Variants in MAPKAP1 observed in about 807,000 individuals in gnomAD.
MAPKAP1 encodes target of rapamycin complex 2 subunit MAPKAP1.
A neutral mutation model predicts 65.7 loss-of-function variants in MAPKAP1; 20 were observed. The ratio of observed to expected loss-of-function variants is 0.30; its 90% CI spans 0.21 to 0.44. MAPKAP1 has a LOEUF of 0.44. Ranked by LOEUF, MAPKAP1 falls within the 20% of genes least tolerant of loss-of-function variation. The pLI, the probability that MAPKAP1 is intolerant of heterozygous loss-of-function variation, is 1.00. For missense variants in MAPKAP1, 423 were observed against 648.0 expected (o/e 0.65, Z 3.77); for synonymous variants, 222 against 244.3 (o/e 0.91, Z 0.85).
chr9:125,521,566 T>C lies in MAPKAP1; in HGVS notation c.959-15149A>G, dbSNP rs1056640619. 15 of 1,396,832 alleles carry C rather than the reference T, an allele frequency of 1.1e-5. No individual in the cohort carries two copies. The Admixed American group carries it at 1.7e-4, about 16-fold the overall frequency. The allele number at this position is 1,396,832 out of a possible 1,614,324, so 86.5% of individuals were successfully genotyped here. ...TCAAATAAATGCCAAAACTGGTTGA[T>C]GGGGATCCAGGGTGCTAAATCACAC... is the stretch of plus-strand genomic sequence containing the variant. On this transcript the variant is annotated intron_variant, in intron 7 of 11. Transcript: ENST00000265960.
intron 6 of MAPKAP1, among the ~76,000 whole-genome samples, chr9:125,545,457 C>T (rs1564550911): frequency 6.6e-6 from 1 of 152,066 alleles, no homozygotes; most frequent in Non-Finnish European, 1.5e-5. Context: ...ATATGTTGGG[C>T]GATGGATGAG....
chr9:125,468,487 T>C lies in MAPKAP1; in HGVS notation c.1208-378A>G, dbSNP rs565166841. ...GGTTTATTTAAAAAACAGTTTTGAT[T>C]GGTGCTCTGAGTTGTTGTTCTCATT... On this transcript the variant is annotated intron_variant, in intron 9 of 11. Transcript: ENST00000265960. 2.6e-5 allele frequency among the ~76,000 whole-genome samples: 4 copies of C among 152,390 alleles called. No individual in the cohort carries two copies. The East Asian group carries it at 7.7e-4, about 29-fold the overall frequency.
chr9:125,649,913 T>C (rs988825708), intron 4 of MAPKAP1, among the ~76,000 whole-genome samples: 1 of 152,112 alleles, frequency 6.6e-6, no homozygotes, highest in Non-Finnish European at 1.5e-5. Context: ...TCTGGAGAGA[T>C]ATCTTCAAGA....
chr9:125,564,159 C>T (rs1378919933), intron 5 of MAPKAP1, among the ~76,000 whole-genome samples: 1 of 152,172 alleles, frequency 6.6e-6, no homozygotes, highest in Non-Finnish European at 1.5e-5. Context: ...TAATTCAAGA[C>T]TAGAGGAGAA....
Position 125,486,884 on chromosome 9 carries a change from G to A in MAPKAP1, c.1067-2301C>T, listed in dbSNP as rs117191448. Among the ~76,000 whole-genome samples, 587 of 152,182 alleles carry A rather than the reference G, an allele frequency of 3.9e-3. 4 individuals are homozygous for A. The highest frequency in any genetic ancestry group is 6.2e-3 in the Non-Finnish European group (419 of 68,004). ...CACTCCAGGGAAGCCTTCCCTGGCC[G>A]CAAGCCCCCGGCACTAGTTTGGCTC... On this transcript the variant is annotated intron_variant, in intron 8 of 11. Transcript: ENST00000265960.
intron 4 of MAPKAP1, among the ~76,000 whole-genome samples, chr9:125,629,473 A>G (rs958077932): frequency 6.6e-6 from 1 of 152,262 alleles, no homozygotes; most frequent in Admixed American, 6.5e-5. Flanking sequence ...CCTTGAGGAC[A>G]TGATGCTAAG....
At chr9:125,692,040 AG>A (rs2131849605) in intron 1 of MAPKAP1, among the ~76,000 whole-genome samples, 1 of 152,336 alleles carries the variant, frequency 6.6e-6, no homozygotes, top group East Asian at 1.9e-4. Context: ...AGCAGAAAGG[AG>A]GCTGACCTTA....
At chr9:125,554,608 G>A (rs1589283506) in intron 6 of MAPKAP1, among the ~76,000 whole-genome samples, 1 of 152,042 alleles carries the variant, frequency 6.6e-6, no homozygotes, top group African/African-American at 2.4e-5. Flanking sequence ...GGACCAGCCT[G>A]GGCAACACAG....
At chr9:125,626,492 G>A (rs1162303827) in intron 4 of MAPKAP1, among the ~76,000 whole-genome samples, 2 of 152,196 alleles carry the variant, frequency 1.3e-5, no homozygotes, top group Admixed American at 6.5e-5. Flanking sequence ...ACAGCCACTA[G>A]CCACATTTGG....
chr9:125,571,926 CTT>C (rs1831246156), intron 5 of MAPKAP1, among the ~76,000 whole-genome samples: 1 of 152,174 alleles, frequency 6.6e-6, no homozygotes, highest in African/African-American at 2.4e-5. Context: ...GTCAAGGAAA[CTT>C]TTCATTTGAG....
At chr9:125,626,604 C>T (rs981020482) in intron 4 of MAPKAP1, among the ~76,000 whole-genome samples, 1 of 152,214 alleles carries the variant, frequency 6.6e-6, no homozygotes, top group Non-Finnish European at 1.5e-5. Context: ...AACTACCACA[C>T]TGATCAGCGC....
chr9:125,610,643 A>C (rs954960188), intron 4 of MAPKAP1, among the ~76,000 whole-genome samples: 1 of 152,208 alleles, frequency 6.6e-6, no homozygotes, highest in African/African-American at 2.4e-5. Flanking sequence ...GACCTCCAGC[A>C]AGGTAAAACT....
At chr9:125,692,652 T>G (rs1439434653) in intron 1 of MAPKAP1, among the ~76,000 whole-genome samples, 1 of 152,164 alleles carries the variant, frequency 6.6e-6, no homozygotes, top group Non-Finnish European at 1.5e-5. Flanking sequence ...GGTATGCGAA[T>G]TATATCTCAA....
intron 5 of MAPKAP1, among the ~76,000 whole-genome samples, chr9:125,575,513 T>C (rs991641069): frequency 6.6e-6 from 1 of 152,206 alleles, no homozygotes; most frequent in African/African-American, 2.4e-5. Context: ...TGTTACACAC[T>C]GGACTGTCTA....
chr9:125,490,294 T>A (rs1449919374), intron 8 of MAPKAP1, among the ~76,000 whole-genome samples: 2 of 152,060 alleles, frequency 1.3e-5, no homozygotes, highest in Non-Finnish European at 2.9e-5. Flanking sequence ...AATCCCACCA[T>A]TTTGGGAGGC....
chr9:125,696,945 C>T (rs1287711467), intron 1 of MAPKAP1, among the ~76,000 whole-genome samples: 1 of 152,184 alleles, frequency 6.6e-6, no homozygotes, highest in Non-Finnish European at 1.5e-5. Flanking sequence ...TCTCTATCTA[C>T]CAAAGGCCAA....
intron 4 of MAPKAP1, among the ~76,000 whole-genome samples, chr9:125,594,220 G>A (rs1278991024): frequency 6.6e-6 from 1 of 151,966 alleles, no homozygotes; most frequent in East Asian, 1.9e-4. Context: ...TTTCCTTATT[G>A]CCACCAATGT....
In MAPKAP1 at chr9:125,658,927, C is replaced by T. The variant is rs577339457; in HGVS notation, c.350-1128G>A. Among the ~76,000 whole-genome samples, 5 of 152,092 alleles carry T rather than the reference C, an allele frequency of 3.3e-5. No homozygotes were observed. The East Asian group carries it at 5.8e-4, about 18-fold the overall frequency. ...TAAACCAAGAGAGAGAACAGAGCTCCGAAAGAGTCACTTAGAACTTTCAAA... is the reference window on the plus strand; with the variant it reads ...TAAACCAAGAGAGAGAACAGAGCTCTGAAAGAGTCACTTAGAACTTTCAAA... On this transcript the variant is annotated intron_variant, in intron 3 of 11. Coordinates refer to ENST00000265960, the MANE Select transcript of MAPKAP1 (RefSeq NM_001006617.3).
Position 125,690,931 on chromosome 9 carries a change from C to T in MAPKAP1, c.-70+16040G>A, listed in dbSNP as rs572419020. Among the ~76,000 whole-genome samples, 16 of 152,230 alleles carry T rather than the reference C, an allele frequency of 1.1e-4. No individual in the cohort carries two copies. In the South Asian group the frequency reaches 2.9e-3, roughly 28 times the overall value. ...CTGAAGGCAGTGAAAGATGGTTGCA[C>T]GAATTCAAGAAACAGTCACAAAATA... On this transcript the variant is annotated intron_variant, in intron 1 of 11. Transcript: ENST00000265960.
Sources: allele counts gnomAD v4.1 joint callset (sites outside exome capture counted in the v4.1 genomes callset), GRCh38; gene constraint gnomAD v4.1.1; transcripts MANE v1.5; gene names NCBI Gene and HGNC (gene_info 2026-07-23, HGNC 2026-07-21).